CCNJ: variants seen among roughly 807,000 people sequenced by gnomAD.
CCNJ encodes cyclin J.
A neutral mutation model predicts 41.4 loss-of-function variants in CCNJ; 12 were observed. That is an observed-to-expected ratio of 0.29 (90% CI 0.19 to 0.47). CCNJ has a LOEUF of 0.47. Among genes scored for constraint, CCNJ ranks in the 20% least tolerant of loss-of-function variants. The pLI is 1.00. For synonymous variants in CCNJ, 161 were observed against 173.4 expected (o/e 0.93, Z 0.56); for missense variants, 340 against 464.6 (o/e 0.73, Z 2.47).
At position 96,044,390 on chromosome 10, in the gene CCNJ, T is replaced by C; in HGVS notation, c.-4T>C. ...GCGTCGGGCTGGGCGCGCCGCCGGG[T>C]CCCATGGAGCTGGAGGGGCAGTGGT... On this transcript the variant is annotated 5_prime_UTR_variant, in exon 2 of 6. Transcript: ENST00000465148. 1.3e-6 allele frequency: 2 copies of C among 1,531,430 alleles called. No individual in the cohort carries two copies. Among genetic ancestry groups the C allele is most frequent in the African/African-American group, 1.4e-5 (1 of 71,522 alleles). 94.9% of individuals were successfully genotyped at this position (1,531,430 alleles called of 1,614,324 possible). A position where few individuals can be genotyped will look rare whatever the true frequency, so the allele number is the denominator to read the frequency against.
rs962959831 is a variant in CCNJ at position 96,060,768 on chromosome 10, C to T, written c.*2527C>T. 5.9e-5 allele frequency: 9 copies of T among 152,298 alleles called. No homozygotes were observed. The highest frequency in any genetic ancestry group is 1.7e-4 in the African/African-American group (7 of 41,342). The allele number at this position is 152,298 out of a possible 1,614,324, so 9.4% of individuals were successfully genotyped here. A position where few individuals can be genotyped will look rare whatever the true frequency, so the allele number is the denominator to read the frequency against. On this transcript the variant is annotated 3_prime_UTR_variant, in exon 6 of 6. Coordinates refer to ENST00000465148, the MANE Select transcript of CCNJ (RefSeq NM_001134375.2). ...TGCAAACCAAAATGTATCTGTGTTA[C>T]GACATTAATTGCAAATAGCAAGTAT...
chr10:96,055,813 A>G (rs1323080497), intron 3 of CCNJ, among the ~76,000 whole-genome samples: 1 of 152,150 alleles, frequency 6.6e-6, no homozygotes, highest in Non-Finnish European at 1.5e-5. Flanking sequence ...TTTTTCTTTA[A>G]CAGACTAGAT....
intron 2 of CCNJ, among the ~76,000 whole-genome samples, chr10:96,046,472 T>C (rs1050480276): frequency 3.9e-5 from 6 of 152,264 alleles, no homozygotes; most frequent in African/African-American, 1.2e-4. Flanking sequence ...TTCAGTCGGA[T>C]AGTCATCTGT....
chr10:96,057,022 T>TA (rs759076106), intron 4 of CCNJ, 22 bp downstream of exon 4: 129 of 1,612,584 alleles, frequency 8.0e-5, no homozygotes, highest in Admixed American at 2.5e-4. Flanking sequence ...TGAATACCAG[T>TA]AAGTGACTTG....
At chr10:96,048,939 A>G (rs1310457358) in intron 2 of CCNJ, among the ~76,000 whole-genome samples, 1 of 152,166 alleles carries the variant, frequency 6.6e-6, no homozygotes, top group Non-Finnish European at 1.5e-5. Context: ...ATGTACCTAA[A>G]CGTGGAATTG....
At position 96,057,844 on chromosome 10, in the gene CCNJ, ATG is replaced by A; in HGVS notation, c.758_759del (p.Val253GlufsTer82). ...CCACGTTTCAGCGCTCATGATAATG[ATG>A]TGAAAGAAGCAAACAAACAGAGAGG... On this transcript the variant is annotated frameshift_variant, in exon 6 of 6. Coordinates refer to ENST00000465148, the MANE Select transcript of CCNJ (RefSeq NM_001134375.2). LOFTEE classifies it high-confidence loss of function. 1 of 1,613,866 alleles carries A rather than the reference ATG, an allele frequency of 6.2e-7. No individual in the cohort carries two copies. The highest frequency in any genetic ancestry group is 8.5e-7 in the Non-Finnish European group (1 of 1,179,856).
rs1166854945 is a variant in CCNJ, at chr10:96,060,008, A to G, written c.*1767A>G. The G allele has an allele frequency of 6.6e-6, 1 of 152,640 alleles. No individual in the cohort carries two copies. The highest frequency in any genetic ancestry group is 1.5e-5 in the Non-Finnish European group (1 of 68,036). The allele number at this position is 152,640 out of a possible 1,614,324, so 9.5% of individuals were successfully genotyped here. On this transcript the variant is annotated 3_prime_UTR_variant, in exon 6 of 6. Transcript: ENST00000465148. Reference sequence around the variant, plus strand: ...AAAAACCACTCAGGTAAGAACACTCACTCATGGCAGTTTTTAAGCATGAAA... The same window carrying G: ...AAAAACCACTCAGGTAAGAACACTCGCTCATGGCAGTTTTTAAGCATGAAA...
At chr10:96,043,447 C>G (rs958905027), upstream of CCNJ, 3 of 381,148 alleles carry the variant, frequency 7.9e-6, no homozygotes, top group South Asian at 1.4e-4. Context: ...CCGCCTGGCG[C>G]TGCACCTGGG....
At chr10:96,046,927 T>A (rs1027567424) in intron 2 of CCNJ, among the ~76,000 whole-genome samples, 2 of 152,196 alleles carry the variant, frequency 1.3e-5, no homozygotes, top group Non-Finnish European at 2.9e-5. Flanking sequence ...TGAGAAACAT[T>A]AAGAAAGTGA....
At position 96,044,410 on chromosome 10, in the gene CCNJ, A is replaced by C. The variant is rs776605164; in HGVS notation, c.17A>C (p.Gln6Pro). ...CCGGGTCCCATGGAGCTGGAGGGGC[A>C]GTGGTGGCGAGGACAGCTGGCCGCC... MELEG[Q>P]WWRGQLAADI... The change falls in exon 2 of 6, where the codon CAG (glutamine) becomes CCG (proline). Residue 6 changes from glutamine to proline, a missense_variant. Physicochemically the swap from Gln to Pro is moderately conservative, Grantham distance 76. This residue lies in a region of CCNJ where 44 missense variants were observed against 43.6 expected (regional missense o/e 1.01). Transcript: ENST00000465148. The C allele has an allele frequency of 1.3e-6, 2 of 1,563,102 alleles. No homozygotes were observed. Among genetic ancestry groups the C allele is most frequent in the Non-Finnish European group, 1.7e-6 (2 of 1,150,250 alleles).
chr10:96,058,094 T>C lies in CCNJ; in HGVS notation c.1005T>C (p.Ser335=), dbSNP rs1006250148. The C allele has an allele frequency of 6.2e-7, 1 of 1,614,076 alleles. No individual in the cohort carries two copies. The highest frequency in any genetic ancestry group is 1.3e-5 in the African/African-American group (1 of 74,920). ...CATGTCCTGCTGGCTTCCAAACTAG[T>C]GTTCAGGGCCTTGGGCACATGCAGA... ...LQTCPAGFQT[S]VQGLGHMQTG... is the part of the protein sequence containing the mutation. The change falls in exon 6 of 6, where the codon AGT becomes AGC. Residue 335 remains serine (S), a synonymous_variant. Coordinates refer to ENST00000465148, the MANE Select transcript of CCNJ (RefSeq NM_001134375.2).
In CCNJ at chr10:96,058,036, C is replaced by T. The variant is rs1040958110; in HGVS notation, c.947C>T (p.Ser316Leu). The T allele has an allele frequency of 9.9e-6, 16 of 1,613,988 alleles. No individual in the cohort carries two copies. Among genetic ancestry groups the T allele is most frequent in the Non-Finnish European group, 1.4e-5 (16 of 1,179,996 alleles). Reference protein sequence around the residue: ...SEQPSCQQIVSTTHTSSYTLQ... With the variant: ...SEQPSCQQIVLTTHTSSYTLQ... ...CAACCAAGCTGTCAGCAGATTGTAT[C>T]GACCACACACACCTCATCTTACACA... The change falls in exon 6 of 6, where the codon TCG becomes TTG. Residue 316 changes from serine to leucine, a missense_variant. By Grantham distance (145) the Ser-to-Leu change is moderately radical (BLOSUM62 -2). Around this residue, in one of 3 missense-constraint regions of CCNJ, gnomAD observed 159 missense variants for 168.2 expected, o/e 0.95. Transcript: ENST00000465148.
Position 96,057,219 on chromosome 10 carries a change from T to C in CCNJ, c.712T>C (p.Leu238=). 1 of 1,614,086 alleles carries C rather than the reference T, an allele frequency of 6.2e-7. No individual in the cohort carries two copies. Among genetic ancestry groups the C allele is most frequent in the Non-Finnish European group, 8.5e-7 (1 of 1,179,916 alleles). ...HRLTAYSWDF[L]VQCIERLLIA... ...TCTTACTGCCTACTCTTGGGATTTC[T>C]TAGTGCAGTGTATTGAACGACTGTT... Residue 238 remains leucine (L), a synonymous_variant, in exon 5 of 6, where the codon TTA becomes CTA. Coordinates refer to ENST00000465148, the MANE Select transcript of CCNJ (RefSeq NM_001134375.2).
chr10:96,043,316 A>G, upstream of CCNJ: 1 of 311,468 alleles, frequency 3.2e-6, no homozygotes, highest in Non-Finnish European at 5.9e-6. Context: ...TCAGCCGGCG[A>G]TCAGGCCGGC....
intron 5 of CCNJ, 75 bp from the exon 6 acceptor site, chr10:96,057,755 G>A: frequency 7.2e-7 from 1 of 1,389,708 alleles, no homozygotes; most frequent in South Asian, 1.3e-5. Context: ...GTTGAGTTGG[G>A]GATGGGGCAT....
At chr10:96,051,143 T>C (rs1037872440) in intron 3 of CCNJ, among the ~76,000 whole-genome samples, 23 of 152,250 alleles carry the variant, frequency 1.5e-4, no homozygotes, top group Non-Finnish European at 2.6e-4. Flanking sequence ...AAACTTTTGC[T>C]TATGCATTAG....
At chr10:96,049,983 A>C (rs2080477967) in intron 2 of CCNJ, among the ~76,000 whole-genome samples, 1 of 152,160 alleles carries the variant, frequency 6.6e-6, no homozygotes, top group Non-Finnish European at 1.5e-5. Context: ...CTCTTATTAA[A>C]AATCTTTGTA....
In CCNJ at chr10:96,058,228, G is replaced by A. The variant is rs1162388552; in HGVS notation, c.1139G>A (p.Cys380Tyr). 1 of 1,610,864 alleles carries A rather than the reference G, an allele frequency of 6.2e-7. No individual in the cohort carries two copies. The highest frequency in any genetic ancestry group is 1.1e-5 in the South Asian group (1 of 90,962). Residue 380 changes from cysteine to tyrosine, a missense_variant, in exon 6 of 6, where the codon TGT (cysteine) becomes TAT (tyrosine). Coordinates refer to ENST00000465148, the MANE Select transcript of CCNJ (RefSeq NM_001134375.2). Reference protein sequence around the residue: ...INEHYPCITPCFER With the variant: ...INEHYPCITPYFER ...GAACATTACCCTTGTATTACTCCAT[G>A]TTTTGAAAGGTGATTATTTGTGAAG...
chr10:96,054,783 C>G (rs2142060250), intron 3 of CCNJ, among the ~76,000 whole-genome samples: 1 of 152,242 alleles, frequency 6.6e-6, no homozygotes, highest in African/African-American at 2.4e-5. Context: ...TTGAAGATTT[C>G]AAGGAGATAA....
Sources: allele counts gnomAD v4.1 joint callset (sites outside exome capture counted in the v4.1 genomes callset), GRCh38; gene constraint gnomAD v4.1.1; regional missense constraint gnomAD v4.1.1; transcripts MANE v1.5; gene names NCBI Gene and HGNC (gene_info 2026-07-23, HGNC 2026-07-21).